ZFAT: variants seen among roughly 807,000 people sequenced by gnomAD.
ZFAT encodes the protein zinc finger and AT-hook domain containing.
ZFAT carries 64 observed loss-of-function variants against 117.7 expected under a neutral mutation model. That is an observed-to-expected ratio of 0.54 (90% confidence interval 0.44 to 0.67). ZFAT has a LOEUF of 0.67. Ranked by LOEUF, ZFAT falls within the 30% of genes least tolerant of loss-of-function variation. The pLI is 0.00. For synonymous variants in ZFAT, 679 were observed against 615.0 expected (o/e 1.10, Z -1.54); for missense variants, 1,433 against 1,584.5 (o/e 0.90, Z 1.62).
At chr8:134,747,431 C>T in the ZFAT span, among the ~76,000 whole-genome samples, 1 of 152,216 alleles carries the variant, frequency 6.6e-6, no homozygotes, top group South Asian at 2.1e-4. Context: ...GTTTAAGCAT[C>T]CTTTCTGAAA....
chr8:134,635,643 G>C (rs932153377), intron 3 of ZFAT, among the ~76,000 whole-genome samples: 1 of 65,066 alleles, frequency 1.5e-5, no homozygotes, highest in South Asian at 5.6e-4. Flanking sequence ...GAGTCAGGGA[G>C]AGAGGGAGAG....
At chr8:134,537,226 G>C (rs1389298518) in intron 11 of ZFAT, among the ~76,000 whole-genome samples, 1 of 152,204 alleles carries the variant, frequency 6.6e-6, no homozygotes, top group East Asian at 1.9e-4. Context: ...ACACAGAATG[G>C]TTTAGAGACT....
chr8:134,531,111 AC>A (rs1414489093), intron 12 of ZFAT, among the ~76,000 whole-genome samples: 1 of 152,234 alleles, frequency 6.6e-6, no homozygotes, highest in Non-Finnish European at 1.5e-5. Context: ...GGGAATGCCG[AC>A]TGATTACAGA....
At chr8:134,738,197 A>T in the ZFAT span, among the ~76,000 whole-genome samples, 2 of 152,208 alleles carry the variant, frequency 1.3e-5, no homozygotes, top group Non-Finnish European at 2.9e-5. Flanking sequence ...CAACAAAGAA[A>T]ACAAACATCA....
the ZFAT span, among the ~76,000 whole-genome samples, chr8:134,772,128 A>G: frequency 1.3e-5 from 2 of 152,208 alleles, no homozygotes; most frequent in Admixed American, 6.5e-5. Flanking sequence ...GAGACACAAC[A>G]ATATTGAAAT....
rs377295067 is a variant in ZFAT, at chr8:134,633,265, A to G, written c.448+4196T>C. Among the ~76,000 whole-genome samples, 8 of 152,314 alleles carry G rather than the reference A, an allele frequency of 5.3e-5. 1 individual carries two copies. The highest frequency in any genetic ancestry group is 3.9e-4 in the Admixed American group (6 of 15,296). On this transcript the variant is annotated intron_variant, in intron 3 of 15. Transcript: ENST00000377838. ...TAGTGCCTACCTCTTAGCTGCTATG[A>G]GAATTAAAAGAGCTATTAGCTGTAA... is the stretch of plus-strand genomic sequence containing the variant.
At chr8:134,811,989 CA>C in the ZFAT span, among the ~76,000 whole-genome samples, 1 of 151,910 alleles carries the variant, frequency 6.6e-6, no homozygotes, top group Non-Finnish European at 1.5e-5. Context: ...ACTAAAAATA[CA>C]AAAATTAGCT....
At chr8:134,527,340 C>G (rs11989767) in intron 12 of ZFAT, among the ~76,000 whole-genome samples, 42,123 of 152,168 alleles carry the variant, frequency 0.28, 6,416 homozygotes, top group African/African-American at 0.4. Flanking sequence ...TAATCCACCA[C>G]GAAGTGTGTG....
At chr8:134,768,948 A>T in the ZFAT span, among the ~76,000 whole-genome samples, 8 of 152,156 alleles carry the variant, frequency 5.3e-5, no homozygotes, top group African/African-American at 1.9e-4. Context: ...TGAGGTGGGC[A>T]GATTGCTTGA....
intron 1 of ZFAT, among the ~76,000 whole-genome samples, chr8:134,704,792 A>G (rs1443574269): frequency 1.3e-5 from 2 of 152,188 alleles, no homozygotes; most frequent in African/African-American, 2.4e-5. Flanking sequence ...AAAACTGGAT[A>G]TCCACGTGCA....
chr8:134,629,790 T>C (rs1029335152), intron 3 of ZFAT, among the ~76,000 whole-genome samples: 18 of 152,316 alleles, frequency 1.2e-4, no homozygotes, highest in African/African-American at 4.3e-4. Context: ...TAAACCTTTC[T>C]TCATAACTTA....
chr8:134,704,618 T>C (rs4481548), intron 1 of ZFAT, among the ~76,000 whole-genome samples: 49,562 of 152,046 alleles, frequency 0.33, 8,682 homozygotes, highest in South Asian at 0.43. Flanking sequence ...AAAATTACTA[T>C]AAAGCTGTAG....
chr8:134,744,727 C>CAT, the ZFAT span, among the ~76,000 whole-genome samples: 7 of 103,520 alleles, frequency 6.8e-5, no homozygotes, highest in African/African-American at 2.3e-4. Flanking sequence ...GCCTACTCTC[C>CAT]TTTTTTTTTT....
At chr8:134,753,259 A>C in the ZFAT span, among the ~76,000 whole-genome samples, 2 of 135,088 alleles carry the variant, frequency 1.5e-5, no homozygotes, top group African/African-American at 5.4e-5. Flanking sequence ...AAACCTATCT[A>C]TTTTGGGGGG....
chr8:134,499,657 C>G (rs1320912595), intron 15 of ZFAT, among the ~76,000 whole-genome samples: 5 of 152,222 alleles, frequency 3.3e-5, no homozygotes, highest in Non-Finnish European at 5.9e-5. Context: ...TGGTTACACA[C>G]AGAGCCTGAT....
At chr8:134,756,264 A>T in the ZFAT span, among the ~76,000 whole-genome samples, 2 of 152,190 alleles carry the variant, frequency 1.3e-5, no homozygotes, top group African/African-American at 4.8e-5. Flanking sequence ...ACACTTATAC[A>T]ATATTTTACC....
intron 3 of ZFAT, 63 bp from the exon 4 acceptor site, chr8:134,610,718 A>G: frequency 2.6e-6 from 4 of 1,565,462 alleles, no homozygotes; most frequent in Non-Finnish European, 3.5e-6. Flanking sequence ...GTTGGAGGGT[A>G]AACACTACTC....
the ZFAT span, among the ~76,000 whole-genome samples, chr8:134,827,453 A>G: frequency 1.3e-5 from 2 of 152,174 alleles, no homozygotes; most frequent in Non-Finnish European, 2.9e-5. Flanking sequence ...ACATATTATT[A>G]GATAATATTT....
intron 10 of ZFAT, among the ~76,000 whole-genome samples, chr8:134,572,103 G>A (rs1824957169): frequency 1.3e-5 from 2 of 152,166 alleles, no homozygotes; most frequent in South Asian, 4.1e-4. Flanking sequence ...ACAACTCATG[G>A]ATCACCTTAG....
Sources: gnomAD v4.1 joint callset for allele counts (sites outside exome capture counted in the v4.1 genomes callset) on GRCh38, gnomAD v4.1.1 for gene constraint, MANE v1.5 for transcripts, NCBI Gene and HGNC (gene_info 2026-07-23, HGNC 2026-07-21) for gene names.